GPR139: variants seen among roughly 807,000 people sequenced by gnomAD.
The protein encoded by GPR139 is G protein-coupled receptor 139, also known as probable G protein-coupled receptor 139.
In GPR139, 12 loss-of-function variants were observed where a neutral mutation model predicts 25.8. The ratio of observed to expected loss-of-function variants is 0.47; its 90% CI spans 0.30 to 0.75. The LOEUF is 0.75. GPR139 is among the 30% of genes least tolerant of loss of function. The pLI, the probability that GPR139 is intolerant of heterozygous loss-of-function variation, is 0.07. For synonymous variants in GPR139, 184 were observed against 179.9 expected (o/e 1.02, Z -0.18); for missense variants, 380 against 450.2 (o/e 0.84, Z 1.41).
chr16:20,059,576 T>G (rs979403479), intron 1 of GPR139, among the ~76,000 whole-genome samples: 4 of 152,134 alleles, frequency 2.6e-5, no homozygotes, highest in Non-Finnish European at 4.4e-5. Context: ...CCTCGTATGG[T>G]CTCCATGGCA....
intron 1 of GPR139, among the ~76,000 whole-genome samples, chr16:20,053,643 G>A (rs2057379653): frequency 2.6e-5 from 4 of 152,234 alleles, no homozygotes; most frequent in Admixed American, 2.6e-4. Context: ...GATAACGCAT[G>A]TGAAGTGGTT....
At chr16:20,041,005 T>C (rs912101021) in intron 1 of GPR139, among the ~76,000 whole-genome samples, 2 of 151,180 alleles carry the variant, frequency 1.3e-5, no homozygotes, top group East Asian at 2.0e-4. Flanking sequence ...CCCCTGTGAC[T>C]TAAAAGCATC....
At position 20,061,061 on chromosome 16, in the gene GPR139, C is replaced by G. The variant is rs28420805; in HGVS notation, c.127+12429G>C. Among the ~76,000 whole-genome samples, 198 of 134,816 alleles carry G rather than the reference C, an allele frequency of 1.5e-3. 1 individual carries two copies. Among genetic ancestry groups the G allele is most frequent in the African/African-American group, 5.4e-3 (185 of 34,314 alleles). The allele number at this position is 134,816 out of a possible 152,430, so 88.4% of individuals were successfully genotyped here. A position where few individuals can be genotyped will look rare whatever the true frequency, so the allele number is the denominator to read the frequency against. On this transcript the variant is annotated intron_variant, in intron 1 of 1. Transcript: ENST00000570682. ...GTTTCTGATCATGCTAGTCTTTCCT[C>G]TGTGTGTGTGTGTGTGTGTGTGTTG...
intron 1 of GPR139, among the ~76,000 whole-genome samples, chr16:20,034,053 T>A (rs2057301502): frequency 6.6e-6 from 1 of 152,200 alleles, no homozygotes; most frequent in Admixed American, 6.5e-5. Context: ...TCTGAAATGA[T>A]ATTCCAATGG....
rs147417259 is a variant in GPR139 at position 20,049,549 on chromosome 16, T to C, written c.128-16880A>G. On this transcript the variant is annotated intron_variant, in intron 1 of 1. Coordinates refer to ENST00000570682, the MANE Select transcript of GPR139 (RefSeq NM_001002911.4). ...GTAATTTAATGTGCGAAATCATCTG[T>C]ACCATGCTTGGCATGGAGTAGATGC... Among the ~76,000 whole-genome samples, 699 of 152,356 alleles carry C rather than the reference T, an allele frequency of 4.6e-3. 4 individuals carry two copies. Among genetic ancestry groups the C allele is most frequent in the African/African-American group, 0.016 (658 of 41,580 alleles).
rs149019320 is a variant in GPR139 at position 20,044,339 on chromosome 16, G to T, written c.128-11670C>A. On this transcript the variant is annotated intron_variant, in intron 1 of 1. Coordinates refer to ENST00000570682, the MANE Select transcript of GPR139 (RefSeq NM_001002911.4). Reference sequence around the variant, plus strand: ...CTTAGACTTCTCAGGTTTGTCAGGAGATGCCACACTGTAGGTTGGGCTCTG... The same window carrying T: ...CTTAGACTTCTCAGGTTTGTCAGGATATGCCACACTGTAGGTTGGGCTCTG... 8.3e-4 allele frequency among the ~76,000 whole-genome samples: 126 copies of T among 152,336 alleles called. 1 individual carries two copies. The highest frequency in any genetic ancestry group is 2.8e-3 in the African/African-American group (115 of 41,564).
chr16:20,065,875 C>T (rs1377783177), intron 1 of GPR139, among the ~76,000 whole-genome samples: 1 of 94,022 alleles, frequency 1.1e-5, no homozygotes. Context: ...GTGAGACTAT[C>T]TCAAAAAAAA....
chr16:20,052,021 C>T (rs892970951), intron 1 of GPR139, among the ~76,000 whole-genome samples: 1 of 152,192 alleles, frequency 6.6e-6, no homozygotes, highest in Non-Finnish European at 1.5e-5. Context: ...ATCTTGGCCC[C>T]TTTGCCAGTC....
intron 1 of GPR139, among the ~76,000 whole-genome samples, chr16:20,035,277 A>C (rs1466902895): frequency 1.3e-5 from 2 of 152,218 alleles, no homozygotes; most frequent in Admixed American, 6.5e-5. Context: ...CAGGACCAAC[A>C]TCCATGCTCA....
chr16:20,069,574 G>A lies in GPR139; in HGVS notation c.127+3916C>T, dbSNP rs114434551. ...CTTGCACCAACTCTCAAAGGCACAT[G>A]TTACAGATGTTATCATTCTCACTTG... is the stretch of plus-strand genomic sequence containing the variant. On this transcript the variant is annotated intron_variant, in intron 1 of 1. Coordinates refer to ENST00000570682, the MANE Select transcript of GPR139 (RefSeq NM_001002911.4). Among the ~76,000 whole-genome samples the A allele has an allele frequency of 8.9e-4, 135 of 152,300 alleles. 1 individual carries two copies. Among genetic ancestry groups the A allele is most frequent in the African/African-American group, 3.2e-3 (131 of 41,574 alleles).
chr16:20,034,492 G>T (rs773703255), intron 1 of GPR139, among the ~76,000 whole-genome samples: 5 of 152,150 alleles, frequency 3.3e-5, no homozygotes, highest in Non-Finnish European at 7.3e-5. Flanking sequence ...CATGCTGCAG[G>T]CTGTGTGCAG....
intron 1 of GPR139, among the ~76,000 whole-genome samples, chr16:20,056,979 T>C (rs1311273423): frequency 6.6e-6 from 1 of 152,118 alleles, no homozygotes; most frequent in Non-Finnish European, 1.5e-5. Flanking sequence ...AACATCTACT[T>C]GGGGAGAGGG....
Position 20,031,699 on chromosome 16 carries a change from G to T in GPR139, c.*36C>A. On this transcript the variant is annotated 3_prime_UTR_variant, in exon 2 of 2. Transcript: ENST00000570682. ...TGGGACACCTTCCCATCTGGAAATG[G>T]ATTAGACAGAGGCAGTAGTTGCCAC... 1 of 1,530,578 alleles carries T rather than the reference G, an allele frequency of 6.5e-7. No homozygotes were observed. Among genetic ancestry groups the T allele is most frequent in the South Asian group, 1.2e-5 (1 of 86,950 alleles). 94.8% of individuals were successfully genotyped at this position (1,530,578 alleles called of 1,614,324 possible).
intron 1 of GPR139, among the ~76,000 whole-genome samples, chr16:20,058,014 A>ATCAT (rs2057396729): frequency 6.6e-6 from 1 of 152,176 alleles, no homozygotes; most frequent in African/African-American, 2.4e-5. Context: ...CTGGTCCTTG[A>ATCAT]TAATGCAGCC....
chr16:20,044,290 T>C (rs1381269398), intron 1 of GPR139, among the ~76,000 whole-genome samples: 2 of 152,196 alleles, frequency 1.3e-5, no homozygotes, highest in African/African-American at 2.4e-5. Flanking sequence ...ACCCTATTTC[T>C]CAGACTCAAT....
At chr16:20,069,123 G>A (rs376155309) in intron 1 of GPR139, among the ~76,000 whole-genome samples, 20 of 152,250 alleles carry the variant, frequency 1.3e-4, no homozygotes, top group Middle Eastern at 3.4e-3. Context: ...TAAAGCTGGC[G>A]TCACAAAGTG....
chr16:20,063,665 A>C (rs181510864), intron 1 of GPR139, among the ~76,000 whole-genome samples: 21 of 152,336 alleles, frequency 1.4e-4, no homozygotes, highest in African/African-American at 4.8e-4. Context: ...CCTATATACC[A>C]ACAAAACAAA....
rs933731380 is a variant in GPR139, at chr16:20,029,106, C to T, written c.*2629G>A. Among the ~76,000 whole-genome samples the T allele has an allele frequency of 2.0e-5, 3 of 152,108 alleles. No individual in the cohort carries two copies. The highest frequency in any genetic ancestry group is 7.2e-5 in the African/African-American group (3 of 41,416). On this transcript the variant is annotated 3_prime_UTR_variant, in exon 2 of 2. Coordinates refer to ENST00000570682, the MANE Select transcript of GPR139 (RefSeq NM_001002911.4). ...AATGGGCATTCATTTGCATTTTAAG[C>T]AGAAGACAGCAATTCACTACAGTGC...
intron 1 of GPR139, among the ~76,000 whole-genome samples, chr16:20,045,046 C>T (rs2057349650): frequency 7.4e-6 from 1 of 134,842 alleles, no homozygotes; most frequent in Non-Finnish European, 1.5e-5. Flanking sequence ...GTCGCTCAGG[C>T]TGGAGAGCAG....
Sources: allele counts gnomAD v4.1 joint callset (sites outside exome capture counted in the v4.1 genomes callset), GRCh38; gene constraint gnomAD v4.1.1; transcripts MANE v1.5; gene names NCBI Gene and HGNC (gene_info 2026-07-23, HGNC 2026-07-21).